The following ATP9B variants were observed in gnomAD, a reference collection of about 807,000 sequenced individuals.
The protein encoded by ATP9B is probable phospholipid-transporting ATPase IIB.
ATP9B carries 110 observed loss-of-function variants against 146.1 expected under a neutral mutation model. The observed-to-expected ratio is 0.75, with a 90% CI of 0.65 to 0.88. The LOEUF (loss-of-function observed/expected upper bound fraction) is 0.88. Among genes scored for constraint, ATP9B ranks in the 40% least tolerant of loss-of-function variants. The probability of loss-of-function intolerance (pLI) is 0.00; values close to 1 mark genes in which losing one functional copy is unlikely to be tolerated. For missense variants in ATP9B, 1,499 were observed against 1,496.4 expected (o/e 1.00, Z -0.03); for synonymous variants, 604 against 569.7 (o/e 1.06, Z -0.86).
chr18:79,211,211 A>C (rs1427917349), intron 10 of ATP9B, among the ~76,000 whole-genome samples: 2 of 152,234 alleles, frequency 1.3e-5, no homozygotes, highest in Non-Finnish European at 2.9e-5. Context: ...ATTTTTCTAC[A>C]AAATTTGACC....
At chr18:79,247,392 T>C (rs1678866287) in intron 11 of ATP9B, among the ~76,000 whole-genome samples, 1 of 152,222 alleles carries the variant, frequency 6.6e-6, no homozygotes, top group South Asian at 2.1e-4. Context: ...AGTGGATACG[T>C]GTCCTAGGAA....
chr18:79,167,539 G>A (rs981991975), intron 7 of ATP9B, among the ~76,000 whole-genome samples: 1 of 152,036 alleles, frequency 6.6e-6, no homozygotes, highest in Non-Finnish European at 1.5e-5. Flanking sequence ...CTTGTGGAGT[G>A]TGCAGCCCTC....
In ATP9B at chr18:79,373,612, C is replaced by T. The variant is rs148074668; in HGVS notation, c.3071-286C>T. Among the ~76,000 whole-genome samples the T allele has an allele frequency of 9.7e-3, 1,475 of 152,138 alleles. 31 individuals carry two copies. The highest frequency in any genetic ancestry group is 0.034 in the African/African-American group (1,417 of 41,496). ...TCAAATGATTCTTCTGCCTCAGCCTCCCCAGTAGCTGGGATTACAGGTGCG... is the reference window on the plus strand; with the variant it reads ...TCAAATGATTCTTCTGCCTCAGCCTTCCCAGTAGCTGGGATTACAGGTGCG... On this transcript the variant is annotated intron_variant, in intron 27 of 29. Coordinates refer to ENST00000426216, the MANE Select transcript of ATP9B (RefSeq NM_198531.5).
rs149093460 is a variant in ATP9B, at chr18:79,148,663, G to A, written c.726+4803G>A. Among the ~76,000 whole-genome samples the A allele has an allele frequency of 3.8e-4, 58 of 152,260 alleles. 2 individuals carry two copies. In the East Asian group the frequency reaches 5.4e-3, roughly 14 times the overall value. On this transcript the variant is annotated intron_variant, in intron 6 of 29. Coordinates refer to ENST00000426216, the MANE Select transcript of ATP9B (RefSeq NM_198531.5). ...TGAATGCCTCCTCTCTGAGACTGGC[G>A]ACAAGGATGTTTGCTGTTACTGTTA...
At chr18:79,261,308 A>G (rs2096138903) in intron 12 of ATP9B, among the ~76,000 whole-genome samples, 3 of 152,088 alleles carry the variant, frequency 2.0e-5, no homozygotes, top group South Asian at 4.1e-4. Context: ...CTTACTTGAG[A>G]AAAGAGTCTT....
At position 79,377,576 on chromosome 18, in the gene ATP9B, C is replaced by G. The variant is rs1021162133; in HGVS notation, c.*193C>G. ...TCTCAGTGCAGGGACGTCACCCCTG[C>G]CAGGCAAGCCCAGGGCACAGATGCC... On this transcript the variant is annotated 3_prime_UTR_variant, in exon 30 of 30. Transcript: ENST00000426216. The G allele has an allele frequency of 1.4e-6, 1 of 690,900 alleles. No homozygotes were observed. The highest frequency in any genetic ancestry group is 2.4e-6 in the Non-Finnish European group (1 of 422,806). 42.8% of individuals were successfully genotyped at this position (690,900 alleles called of 1,614,324 possible).
chr18:79,138,218 G>A (rs556621175), intron 5 of ATP9B, among the ~76,000 whole-genome samples: 29 of 152,284 alleles, frequency 1.9e-4, no homozygotes, highest in African/African-American at 6.7e-4. Flanking sequence ...CTAGAAGATA[G>A]CAGTAATTTT....
chr18:79,377,563 G>T lies in ATP9B; in HGVS notation c.*180G>T. The T allele has an allele frequency of 1.2e-6, 1 of 805,462 alleles. No individual in the cohort carries two copies. Among genetic ancestry groups the T allele is most frequent in the Non-Finnish European group, 1.9e-6 (1 of 524,592 alleles). The allele number at this position is 805,462 out of a possible 1,614,324, so 49.9% of individuals were successfully genotyped here. A position where few individuals can be genotyped will look rare whatever the true frequency, so the allele number is the denominator to read the frequency against. ...GACAGCCTCTCCTTCTCAGTGCAGG[G>T]ACGTCACCCCTGCCAGGCAAGCCCA... On this transcript the variant is annotated 3_prime_UTR_variant, in exon 30 of 30. Transcript: ENST00000426216.
At chr18:79,207,128 C>A (rs966151308) in intron 10 of ATP9B, 116 bp downstream of exon 10, 2 of 956,214 alleles carry the variant, frequency 2.1e-6, no homozygotes, top group Non-Finnish European at 3.2e-6. Flanking sequence ...AGGGACCTTG[C>A]TAAACGCAGA....
intron 8 of ATP9B, among the ~76,000 whole-genome samples, chr18:79,179,754 A>C (rs2095227853): frequency 6.6e-6 from 1 of 152,202 alleles, no homozygotes; most frequent in Non-Finnish European, 1.5e-5. Flanking sequence ...CTTTAAAATA[A>C]TGTTTGTTCT....
At chr18:79,321,796 C>T (rs1437496419) in intron 15 of ATP9B, among the ~76,000 whole-genome samples, 1 of 152,142 alleles carries the variant, frequency 6.6e-6, no homozygotes, top group Non-Finnish European at 1.5e-5. Context: ...CAAGCATAAA[C>T]TAAATAATAA....
At chr18:79,178,174 C>T (rs527646360) in intron 8 of ATP9B, among the ~76,000 whole-genome samples, 17 of 152,214 alleles carry the variant, frequency 1.1e-4, no homozygotes, top group African/African-American at 4.1e-4. Context: ...TGTGGCAGTT[C>T]CTGGATCACA....
At position 79,158,900 on chromosome 18, in the gene ATP9B, T is replaced by C. The variant is rs1481419440; in HGVS notation, c.778+4345T>C. ...TTTTTGTTCATCTTCTATCTAGTTG[T>C]CCTATCCATTATTGAATGTGGAGTA... On this transcript the variant is annotated intron_variant, in intron 7 of 29. Transcript: ENST00000426216. 2.6e-5 allele frequency among the ~76,000 whole-genome samples: 4 copies of C among 152,198 alleles called. No individual in the cohort carries two copies. In the East Asian group the frequency reaches 7.7e-4, roughly 29 times the overall value.
Position 79,157,114 on chromosome 18 carries a change from A to AC in ATP9B, c.778+2560dup, listed in dbSNP as rs1411182172. Among the ~76,000 whole-genome samples, 4 of 152,002 alleles carry AC rather than the reference A, an allele frequency of 2.6e-5. No individual in the cohort carries two copies. In the East Asian group the frequency reaches 7.8e-4, roughly 29 times the overall value. On this transcript the variant is annotated intron_variant, in intron 7 of 29. Coordinates refer to ENST00000426216, the MANE Select transcript of ATP9B (RefSeq NM_198531.5). ...GGTGGCTCACACCTGTAGTCCCAGC[A>AC]CTTTGGGAGGCTGAGGTGGGTGGAT... is the stretch of plus-strand genomic sequence containing the variant.
chr18:79,375,701 T>C (rs2097098560), intron 29 of ATP9B: 13 of 985,342 alleles, frequency 1.3e-5, no homozygotes, highest in South Asian at 4.7e-5. Context: ...CTAAAACATA[T>C]TTGCCTTTTC....
intron 13 of ATP9B, among the ~76,000 whole-genome samples, chr18:79,283,450 C>G (rs2096400785): frequency 6.6e-6 from 1 of 152,190 alleles, no homozygotes. Flanking sequence ...TGTGCTTCAT[C>G]AGTAAGCTTT....
intron 10 of ATP9B, among the ~76,000 whole-genome samples, chr18:79,212,370 T>C (rs1317626778): frequency 6.6e-6 from 1 of 152,194 alleles, no homozygotes; most frequent in Non-Finnish European, 1.5e-5. Flanking sequence ...ATGTATCACA[T>C]TGAATTGAGG....
rs1055071172 is a variant in ATP9B at position 79,118,603 on chromosome 18, T to C, written c.558+5249T>C. Among the ~76,000 whole-genome samples the C allele has an allele frequency of 9.2e-5, 14 of 151,864 alleles. 1 individual carries two copies. The highest frequency in any genetic ancestry group is 3.1e-4 in the African/African-American group (13 of 41,334). On this transcript the variant is annotated intron_variant, in intron 4 of 29. Coordinates refer to ENST00000426216, the MANE Select transcript of ATP9B (RefSeq NM_198531.5). ...TTTTAGTAGAGATGGGGTTTTACCA[T>C]GTTGGCCAGGATGGTCTCGATCTCC...
At chr18:79,191,184 A>C (rs2095362991) in intron 8 of ATP9B, among the ~76,000 whole-genome samples, 1 of 152,188 alleles carries the variant, frequency 6.6e-6, no homozygotes, top group South Asian at 2.1e-4. Flanking sequence ...CATTATTTAT[A>C]ATGAGAAATC....
Sources: gnomAD v4.1 joint callset for allele counts (sites outside exome capture counted in the v4.1 genomes callset) on GRCh38, gnomAD v4.1.1 for gene constraint, MANE v1.5 for transcripts, NCBI Gene and HGNC (gene_info 2026-07-23, HGNC 2026-07-21) for gene names.